The following PI4KA variants were observed in gnomAD, a reference collection of about 807,000 sequenced individuals.
PI4KA encodes phosphatidylinositol 4-kinase alpha, also known as PI4-kinase alpha.
In PI4KA, 122 loss-of-function variants were observed where a neutral mutation model predicts 271.4. The ratio of observed to expected loss-of-function variants is 0.45; its 90% CI spans 0.39 to 0.52. PI4KA has a LOEUF of 0.52. Ranked by LOEUF, PI4KA falls within the 20% of genes least tolerant of loss-of-function variation. The pLI, the probability that PI4KA is intolerant of heterozygous loss-of-function variation, is 0.00. For missense variants in PI4KA, 1,969 were observed against 2,769.1 expected (o/e 0.71, Z 6.48); for synonymous variants, 1,041 against 1,078.8 (o/e 0.96, Z 0.69).
intron 23 of PI4KA, among the ~76,000 whole-genome samples, chr22:20,757,464 G>A (rs1601419086): frequency 2.0e-5 from 3 of 151,966 alleles, no homozygotes; most frequent in African/African-American, 4.8e-5. Context: ...AGAGAAGGGC[G>A]AATGAGACAT....
chr22:20,754,620 T>C (rs1225986370), intron 23 of PI4KA, among the ~76,000 whole-genome samples: 2 of 152,196 alleles, frequency 1.3e-5, no homozygotes, highest in Non-Finnish European at 2.9e-5. Context: ...GTGGTTGTCA[T>C]AGGAATTTTC....
intron 32 of PI4KA, among the ~76,000 whole-genome samples, chr22:20,740,435 T>C (rs1295517794): frequency 6.8e-6 from 1 of 147,840 alleles, no homozygotes; most frequent in Non-Finnish European, 1.5e-5. Flanking sequence ...TAAAAAAATA[T>C]TGACCTTAAG....
At position 20,708,124 on chromosome 22, in the gene PI4KA, G is replaced by C. The variant is rs373597961; in HGVS notation, c.6258-26C>G. The C allele has an allele frequency of 2.5e-6, 4 of 1,600,270 alleles. No homozygotes were observed. The African/African-American group carries it at 4.0e-5, about 16-fold the overall frequency. On this transcript the variant is annotated intron_variant, in intron 54 of 54. Transcript: ENST00000255882. ...CTGAAAGGCCAAGGAAGAGTGAAGG[G>C]AGATTCGAGGAGCCAGCAGGGTCTG...
chr22:20,759,310 T>C (rs571570250), intron 23 of PI4KA, among the ~76,000 whole-genome samples: 4 of 152,308 alleles, frequency 2.6e-5, no homozygotes, highest in East Asian at 1.9e-4. Context: ...TCCCAAAGTA[T>C]TGGGATTACA....
At chr22:20,727,504 G>A in intron 40 of PI4KA, 107 bp from the exon 41 acceptor site, 1 of 1,084,224 alleles carries the variant, frequency 9.2e-7, no homozygotes, top group Non-Finnish European at 1.3e-6. Flanking sequence ...ATGTTTCTAA[G>A]CATCGGTAAC....
chr22:20,821,339 C>G (rs1922629737), intron 4 of PI4KA, among the ~76,000 whole-genome samples: 1 of 152,044 alleles, frequency 6.6e-6, no homozygotes, highest in African/African-American at 2.4e-5. Context: ...CTGACTCAGT[C>G]TCCTGAGTAG....
chr22:20,720,967 C>G (rs546125315), intron 43 of PI4KA, among the ~76,000 whole-genome samples: 1 of 152,292 alleles, frequency 6.6e-6, no homozygotes, highest in South Asian at 2.1e-4. Flanking sequence ...ATTTGGGAAC[C>G]GCTGCCCTGG....
At chr22:20,710,356 C>T (rs1925093087) in intron 52 of PI4KA, 3 of 528,216 alleles carry the variant, frequency 5.7e-6, no homozygotes, top group Non-Finnish European at 6.9e-6. Context: ...GGCCAAGTGA[C>T]CTGTATATGA....
chr22:20,726,341 G>A (rs556762397), intron 42 of PI4KA, 147 bp downstream of exon 42: 1 of 582,692 alleles, frequency 1.7e-6, no homozygotes, highest in African/African-American at 2.0e-5. Context: ...CACAGGGCCT[G>A]GGGTAGGGGG....
Position 20,810,848 on chromosome 22 carries a change from G to C in PI4KA, c.1071+119C>G, listed in dbSNP as rs1170418867. The C allele has an allele frequency of 1.8e-5, 14 of 788,858 alleles. No homozygotes were observed. The East Asian group carries it at 2.9e-4, about 17-fold the overall frequency. 48.9% of individuals were successfully genotyped at this position (788,858 alleles called of 1,614,324 possible). A position where few individuals can be genotyped will look rare whatever the true frequency, so the allele number is the denominator to read the frequency against. On this transcript the variant is annotated intron_variant, in intron 9 of 54. Transcript: ENST00000255882. The stretch of plus-strand genomic sequence containing the variant: ...AGGTGGATTGTTACCACATGAACAA[G>C]GAAAGTGAAAACACTGCAAAACCCC...
At chr22:20,800,031 AT>A (rs1935208138) in intron 14 of PI4KA, among the ~76,000 whole-genome samples, 1 of 152,178 alleles carries the variant, frequency 6.6e-6, no homozygotes, top group Non-Finnish European at 1.5e-5. Flanking sequence ...CCTAATTCCA[AT>A]TTCAATCCCT....
intron 1 of PI4KA, among the ~76,000 whole-genome samples, chr22:20,855,797 G>T (rs1205199548): frequency 6.6e-6 from 1 of 152,162 alleles, no homozygotes; most frequent in Middle Eastern, 3.2e-3. Context: ...AGGAAAGCAG[G>T]TATTCAACAT....
At position 20,765,683 on chromosome 22, in the gene PI4KA, C is replaced by T. The variant is rs139538592; in HGVS notation, c.2339G>A (p.Arg780Gln). 16 of 1,609,416 alleles carry T rather than the reference C, an allele frequency of 9.9e-6. No individual in the cohort carries two copies. Among genetic ancestry groups the T allele is most frequent in the South Asian group, 5.5e-5 (5 of 90,922 alleles). Reference protein sequence around the residue: ...LIPVIAVLTRRLPPIKEAKPR... With the variant: ...LIPVIAVLTRQLPPIKEAKPR... ...CTTAGCTTCTTTGATGGGTGGCAGT[C>T]GTCGGGTGAGCTGATGTGCCAAGAA... Residue 780 changes from arginine to glutamine, a missense_variant, in exon 20 of 55, where the codon CGA becomes CAA. Transcript: ENST00000255882.
Position 20,799,734 on chromosome 22 carries a change from A to G in PI4KA, c.1757T>C (p.Val586Ala). The G allele has an allele frequency of 6.4e-7, 1 of 1,552,912 alleles. No homozygotes were observed. Among genetic ancestry groups the G allele is most frequent in the Non-Finnish European group, 8.7e-7 (1 of 1,147,630 alleles). ...CLKAGLTVDPVIVEAFLASLS... is the reference protein window; with the variant it reads ...CLKAGLTVDPAIVEAFLASLS... ...GCTGGCCAAGAACGCCTCCACAATC[A>G]CTGGGTCCACCGTCAATCCAGCCTT... The change falls in exon 15 of 55, where the codon GTG becomes GCG. Residue 586 changes from valine to alanine, a missense_variant. By Grantham distance (64) the Val-to-Ala change is moderately conservative. Transcript: ENST00000255882.
At chr22:20,803,380 T>C (rs558634091) in intron 12 of PI4KA, 60 bp from the exon 13 acceptor site, 179 of 1,606,548 alleles carry the variant, frequency 1.1e-4, no homozygotes, top group Non-Finnish European at 1.4e-4. Context: ...GAGTAGGCCC[T>C]GAGCAGGGAG....
rs908590703 is a variant in PI4KA, at chr22:20,707,985, G to T, written c.*62C>A. On this transcript the variant is annotated 3_prime_UTR_variant, in exon 55 of 55. Coordinates refer to ENST00000255882, the MANE Select transcript of PI4KA (RefSeq NM_058004.4). ...GGCGGCAGGGCAGGGAGGTCGCAGG[G>T]CTCCATGATTGTGGGACAGCTTTGA... 3 of 1,390,846 alleles carry T rather than the reference G, an allele frequency of 2.2e-6. No individual in the cohort carries two copies. The highest frequency in any genetic ancestry group is 3.3e-5 in the Admixed American group (2 of 59,738). The allele number at this position is 1,390,846 out of a possible 1,614,324, so 86.2% of individuals were successfully genotyped here.
At chr22:20,858,453 C>T (rs1037838559) in intron 1 of PI4KA, 117 bp downstream of exon 1, 2 of 730,272 alleles carry the variant, frequency 2.7e-6, no homozygotes, top group African/African-American at 1.8e-5. Context: ...GCGCCCCCTC[C>T]CGCACAGGCT....
At chr22:20,794,315 C>A (rs1934846190) in intron 18 of PI4KA, among the ~76,000 whole-genome samples, 1 of 152,158 alleles carries the variant, frequency 6.6e-6, no homozygotes, top group African/African-American at 2.4e-5. Flanking sequence ...AGAGCAGGCT[C>A]CTGAAACGCC....
intron 29 of PI4KA, among the ~76,000 whole-genome samples, chr22:20,747,140 TAA>T (rs1930202955): frequency 6.6e-6 from 1 of 152,200 alleles, no homozygotes; most frequent in African/African-American, 2.4e-5. Flanking sequence ...TCCTCTAGAT[TAA>T]TCTCTAGCAG....
Sources: gnomAD v4.1 joint callset for allele counts (sites outside exome capture counted in the v4.1 genomes callset) on GRCh38, gnomAD v4.1.1 for gene constraint, MANE v1.5 for transcripts, NCBI Gene and HGNC (gene_info 2026-07-23, HGNC 2026-07-21) for gene names.